Variants in SOX4 observed in about 807,000 individuals in gnomAD.
SOX4 encodes the protein transcription factor SOX-4.
For synonymous variants in SOX4, 465 were observed against 348.4 expected, an observed-to-expected ratio of 1.33 and a Z score of -3.73; for missense variants, 662 against 694.9, an observed-to-expected ratio of 0.95 and a Z score of 0.53.
rs763401964 is a variant in SOX4 at position 21,596,910 on chromosome 6, G to A, written c.*951G>A. 6.0e-6 allele frequency: 1 copy of A among 165,310 alleles called. No homozygotes were observed. Among genetic ancestry groups the A allele is most frequent in the Non-Finnish European group, 1.5e-5 (1 of 67,862 alleles). The allele number at this position is 165,310 out of a possible 1,614,324, so 10.2% of individuals were successfully genotyped here. On this transcript the variant is annotated 3_prime_UTR_variant, in exon 1 of 1. Coordinates refer to ENST00000244745, the MANE Select transcript of SOX4 (RefSeq NM_003107.3). ...CAGACCCCGGAGGCGTGGAGGAGAG[G>A]AGACTGTTTGATGTGGTACAGGGGC...
At position 21,596,570 on chromosome 6, in the gene SOX4, G is replaced by A; in HGVS notation, c.*611G>A. 6.0e-6 allele frequency: 1 copy of A among 167,220 alleles called. No individual in the cohort carries two copies. 10.4% of individuals were successfully genotyped at this position (167,220 alleles called of 1,614,324 possible). A position where few individuals can be genotyped will look rare whatever the true frequency, so the allele number is the denominator to read the frequency against. ...TGGCAGATGTTTTGGGGGAACGCCG[G>A]GACTGAGAGACTCCACGCAGGCGAA... On this transcript the variant is annotated 3_prime_UTR_variant, in exon 1 of 1. Transcript: ENST00000244745.
rs759202115 is a variant in SOX4, at chr6:21,594,977, C to G, written c.443C>G (p.Ser148Cys). ...NANSSSSAAA[S>C]SKPGEKGDKV... Reference sequence around the variant, plus strand: ...AACTCCAGCTCCTCGGCCGCCGCCTCCTCCAAGCCGGGGGAGAAGGGAGAC... The same window carrying G: ...AACTCCAGCTCCTCGGCCGCCGCCTGCTCCAAGCCGGGGGAGAAGGGAGAC... The change falls in exon 1 of 1, where the codon TCC (serine) becomes TGC (cysteine). Residue 148 changes from serine (S) to cysteine (C), a missense_variant. Coordinates refer to ENST00000244745, the MANE Select transcript of SOX4 (RefSeq NM_003107.3). 1 of 1,596,934 alleles carries G rather than the reference C, an allele frequency of 6.3e-7. No homozygotes were observed. The highest frequency in any genetic ancestry group is 8.5e-7 in the Non-Finnish European group (1 of 1,171,690).
In SOX4 at chr6:21,595,217, A is replaced by G; in HGVS notation, c.683A>G (p.Lys228Arg). ...LILAGGGGGG[K>R]AAAAAAASFA... ...CTGGCAGGCGGCGGCGGCGGCGGGA[A>G]AGCAGCGGCTGCCGCCGCCGCCTCC... Residue 228 changes from lysine to arginine, a missense_variant, in exon 1 of 1, where the codon AAA (lysine) becomes AGA (arginine). Coordinates refer to ENST00000244745, the MANE Select transcript of SOX4 (RefSeq NM_003107.3). The G allele has an allele frequency of 8.1e-7, 1 of 1,235,320 alleles. No homozygotes were observed. The highest frequency in any genetic ancestry group is 3.2e-5 in the East Asian group (1 of 30,812). The allele number at this position is 1,235,320 out of a possible 1,614,324, so 76.5% of individuals were successfully genotyped here.
rs776962279 is a variant in SOX4, at chr6:21,595,856, G to C, written c.1322G>C (p.Gly441Ala). 45 of 1,611,378 alleles carry C rather than the reference G, an allele frequency of 2.8e-5. No individual in the cohort carries two copies. The highest frequency in any genetic ancestry group is 3.7e-5 in the Non-Finnish European group (44 of 1,179,182). Residue 441 changes from glycine (G) to alanine (A), a missense_variant, in exon 1 of 1, where the codon GGC (glycine) becomes GCC (alanine). Coordinates refer to ENST00000244745, the MANE Select transcript of SOX4 (RefSeq NM_003107.3). ...GATTTTAACTTCGAGCCCGGCTCCGGCTCGCACTTCGAGTTCCCGGACTAC... is the reference window on the plus strand; with the variant it reads ...GATTTTAACTTCGAGCCCGGCTCCGCCTCGCACTTCGAGTTCCCGGACTAC... ...DLDFNFEPGS[G>A]SHFEFPDYCT...
At position 21,595,391 on chromosome 6, in the gene SOX4, A is replaced by G; in HGVS notation, c.857A>G (p.Lys286Arg). 6.5e-7 allele frequency: 1 copy of G among 1,538,170 alleles called. No homozygotes were observed. Among genetic ancestry groups the G allele is most frequent in the African/African-American group, 1.4e-5 (1 of 70,110 alleles). Residue 286 changes from lysine (K) to arginine (R), a missense_variant, in exon 1 of 1, where the codon AAG becomes AGG. By Grantham distance (26) the Lys-to-Arg change is conservative (BLOSUM62 2). Transcript: ENST00000244745. ...TCCGCAGCGCTCGCGGCCCCGGGCAAGCACCTGGCGGAGAAGAAGGTGAAG... is the reference window on the plus strand; with the variant it reads ...TCCGCAGCGCTCGCGGCCCCGGGCAGGCACCTGGCGGAGAAGAAGGTGAAG... Reference protein sequence around the residue: ...SASAALAAPGKHLAEKKVKRV... With the variant: ...SASAALAAPGRHLAEKKVKRV...
chr6:21,594,895 G>A lies in SOX4; in HGVS notation c.361G>A (p.Ala121Thr), dbSNP rs1426679912. Residue 121 changes from alanine (A) to threonine (T), a missense_variant, in exon 1 of 1, where the codon GCT becomes ACT. By Grantham distance (58) the Ala-to-Thr change is moderately conservative. Transcript: ENST00000244745. ...GGAGCGGCTGCGCCTCAAGCACATG[G>A]CTGACTACCCCGACTACAAGTACCG... The part of the protein sequence containing the change: ...EAERLRLKHM[A>T]DYPDYKYRPR... 1.2e-6 allele frequency: 2 copies of A among 1,613,174 alleles called. No individual in the cohort carries two copies. The highest frequency in any genetic ancestry group is 2.7e-5 in the African/African-American group (2 of 75,050).
In SOX4 at chr6:21,596,784, C is replaced by T. The variant is rs1234540588; in HGVS notation, c.*825C>T. ...GGAGGACACGAACTGGAAGGGGGTTCACGGTCAAACTGAAATGGATTTGCA... is the reference window on the plus strand; with the variant it reads ...GGAGGACACGAACTGGAAGGGGGTTTACGGTCAAACTGAAATGGATTTGCA... On this transcript the variant is annotated 3_prime_UTR_variant, in exon 1 of 1. Transcript: ENST00000244745. 1 of 166,802 alleles carries T rather than the reference C, an allele frequency of 6.0e-6. No homozygotes were observed. The highest frequency in any genetic ancestry group is 1.5e-5 in the Non-Finnish European group (1 of 68,122). The allele number at this position is 166,802 out of a possible 1,614,324, so 10.3% of individuals were successfully genotyped here. A position where few individuals can be genotyped will look rare whatever the true frequency, so the allele number is the denominator to read the frequency against.
chr6:21,598,594 A>G lies in SOX4; in HGVS notation c.*2635A>G, dbSNP rs763565285. Reference sequence around the variant, plus strand: ...AAATAACTTTTTTTGAGAAGGAAATAAAATCAGCTGGAACTGAACCCTAAA... The same window carrying G: ...AAATAACTTTTTTTGAGAAGGAAATGAAATCAGCTGGAACTGAACCCTAAA... On this transcript the variant is annotated 3_prime_UTR_variant, in exon 1 of 1. Transcript: ENST00000244745. The G allele has an allele frequency of 6.0e-6, 1 of 166,678 alleles. No individual in the cohort carries two copies. The highest frequency in any genetic ancestry group is 1.5e-5 in the Non-Finnish European group (1 of 68,106). The allele number at this position is 166,678 out of a possible 1,614,324, so 10.3% of individuals were successfully genotyped here.
chr6:21,595,500 G>A lies in SOX4; in HGVS notation c.966G>A (p.Leu322=), dbSNP rs1763122396. ...CGGGAGCCGACCCCAGCGACCCCCT[G>A]GGCCTGTACGAGGAGGAGGGCGCGG... The part of the protein sequence containing the change: ...VGAGADPSDP[L]GLYEEEGAGC... The change falls in exon 1 of 1, where the codon CTG becomes CTA. Residue 322 remains leucine (L), a synonymous_variant. Transcript: ENST00000244745. 3 of 1,340,908 alleles carry A rather than the reference G, an allele frequency of 2.2e-6. No individual in the cohort carries two copies. Among genetic ancestry groups the A allele is most frequent in the Non-Finnish European group, 1.9e-6 (2 of 1,046,160 alleles). 83.1% of individuals were successfully genotyped at this position (1,340,908 alleles called of 1,614,324 possible). A position where few individuals can be genotyped will look rare whatever the true frequency, so the allele number is the denominator to read the frequency against.
rs796555280 is a variant in SOX4, at chr6:21,596,269, C to CA, written c.*322dup. On this transcript the variant is annotated 3_prime_UTR_variant, in exon 1 of 1. Coordinates refer to ENST00000244745, the MANE Select transcript of SOX4 (RefSeq NM_003107.3). ...TTGTTATTGATGTTGTTGTTGATGG[C>CA]AAAAAAAAAAAAGCGACTTCGAGTT... 1,459 of 149,198 alleles carry CA rather than the reference C, an allele frequency of 9.8e-3. 9 individuals carry two copies. The highest frequency in any genetic ancestry group is 0.016 in the African/African-American group (572 of 36,472). 9.2% of individuals were successfully genotyped at this position (149,198 alleles called of 1,614,324 possible).
Position 21,594,467 on chromosome 6 carries a change from G to A in SOX4, c.-68G>A. 1 of 1,350,728 alleles carries A rather than the reference G, an allele frequency of 7.4e-7. No homozygotes were observed. The highest frequency in any genetic ancestry group is 9.4e-7 in the Non-Finnish European group (1 of 1,059,646). The allele number at this position is 1,350,728 out of a possible 1,614,324, so 83.7% of individuals were successfully genotyped here. On this transcript the variant is annotated 5_prime_UTR_variant, in exon 1 of 1. Coordinates refer to ENST00000244745, the MANE Select transcript of SOX4 (RefSeq NM_003107.3). ...TGTGCTTGGCCCGGGGAACCGGGAGGGCCCGGCGATCGCGCGGCGGCCGCC... is the reference window on the plus strand; with the variant it reads ...TGTGCTTGGCCCGGGGAACCGGGAGAGCCCGGCGATCGCGCGGCGGCCGCC...
rs965805866 is a variant in SOX4, at chr6:21,594,084, G to A, written c.-451G>A. ...GACTATGTCGCTTTCCTGAGCTACC[G>A]AGAGCGCTCGTGAACTGGAATCAAC... On this transcript the variant is annotated 5_prime_UTR_variant, in exon 1 of 1. Transcript: ENST00000244745. 1 of 152,454 alleles carries A rather than the reference G, an allele frequency of 6.6e-6. No homozygotes were observed. Among genetic ancestry groups the A allele is most frequent in the East Asian group, 1.9e-4 (1 of 5,202 alleles). The allele number at this position is 152,454 out of a possible 1,614,324, so 9.4% of individuals were successfully genotyped here. A position where few individuals can be genotyped will look rare whatever the true frequency, so the allele number is the denominator to read the frequency against.
Position 21,594,987 on chromosome 6 carries a change from G to A in SOX4, c.453G>A (p.Pro151=). Residue 151 remains proline, a synonymous_variant, in exon 1 of 1, where the codon CCG becomes CCA. Transcript: ENST00000244745. The stretch of plus-strand genomic sequence containing the variant: ...CCTCGGCCGCCGCCTCCTCCAAGCC[G>A]GGGGAGAAGGGAGACAAGGTCGGTG... ...SSSSAAASSK[P]GEKGDKVGGS... The A allele has an allele frequency of 1.3e-6, 2 of 1,579,182 alleles. No homozygotes were observed. Among genetic ancestry groups the A allele is most frequent in the Non-Finnish European group, 1.7e-6 (2 of 1,163,062 alleles).
Position 21,595,296 on chromosome 6 carries a change from C to G in SOX4, c.762C>G (p.Ala254=), listed in dbSNP as rs780385080. 6.3e-6 allele frequency: 9 copies of G among 1,429,458 alleles called. No homozygotes were observed. In the South Asian group the frequency reaches 1.1e-4, roughly 17 times the overall value. The allele number at this position is 1,429,458 out of a possible 1,614,324, so 88.5% of individuals were successfully genotyped here. The change falls in exon 1 of 1, where the codon GCC becomes GCG. Residue 254 remains alanine (A), a synonymous_variant. Transcript: ENST00000244745. ...AAALLPLGAA[A]DHHSLYKART... is the part of the protein sequence containing the mutation. ...CCCTGCTGCCCCTGGGCGCCGCCGC[C>G]GACCACCACTCGCTGTACAAGGCGC... is the stretch of plus-strand genomic sequence containing the variant.
chr6:21,594,622 A>C lies in SOX4; in HGVS notation c.88A>C (p.Ile30Leu). The C allele has an allele frequency of 6.2e-7, 1 of 1,607,854 alleles. No homozygotes were observed. Among genetic ancestry groups the C allele is most frequent in the Non-Finnish European group, 8.5e-7 (1 of 1,178,062 alleles). Reference protein sequence around the residue: ...SDSGAGLELGIASSPTPGSTA... With the variant: ...SDSGAGLELGLASSPTPGSTA... The stretch of plus-strand genomic sequence containing the variant: ...CTCGGGCGCCGGCCTCGAGCTGGGA[A>C]TCGCCTCCTCCCCCACGCCCGGCTC... The change falls in exon 1 of 1, where the codon ATC (isoleucine) becomes CTC (leucine). Residue 30 changes from isoleucine to leucine, a missense_variant. By Grantham distance (5) the Ile-to-Leu change is conservative (BLOSUM62 2). Coordinates refer to ENST00000244745, the MANE Select transcript of SOX4 (RefSeq NM_003107.3).
Position 21,594,882 on chromosome 6 carries a change from C to T in SOX4, c.348C>T (p.Arg116=). Reference sequence around the variant, plus strand: ...TCATTCGAGAGGCGGAGCGGCTGCGCCTCAAGCACATGGCTGACTACCCCG... The same window carrying T: ...TCATTCGAGAGGCGGAGCGGCTGCGTCTCAAGCACATGGCTGACTACCCCG... ...IPFIREAERL[R]LKHMADYPDY... Residue 116 remains arginine, a synonymous_variant, in exon 1 of 1, where the codon CGC becomes CGT. Coordinates refer to ENST00000244745, the MANE Select transcript of SOX4 (RefSeq NM_003107.3). The T allele has an allele frequency of 6.2e-7, 1 of 1,612,920 alleles. No individual in the cohort carries two copies. Among genetic ancestry groups the T allele is most frequent in the Non-Finnish European group, 8.5e-7 (1 of 1,179,706 alleles).
At position 21,595,588 on chromosome 6, in the gene SOX4, G is replaced by C. The variant is rs1403909478; in HGVS notation, c.1054G>C (p.Gly352Arg). ...CAGCGCCGCCTCGTCCCCCGCCGCCGGCCGCTCGCCCGCCGACCACCGCGG... is the reference window on the plus strand; with the variant it reads ...CAGCGCCGCCTCGTCCCCCGCCGCCCGCCGCTCGCCCGCCGACCACCGCGG... ...RSSAASSPAA[G>R]RSPADHRGYA... Residue 352 changes from glycine (G) to arginine (R), a missense_variant, in exon 1 of 1, where the codon GGC becomes CGC. Coordinates refer to ENST00000244745, the MANE Select transcript of SOX4 (RefSeq NM_003107.3). 8.3e-7 allele frequency: 1 copy of C among 1,204,592 alleles called. No individual in the cohort carries two copies. Among genetic ancestry groups the C allele is most frequent in the African/African-American group, 1.6e-5 (1 of 62,624 alleles). The allele number at this position is 1,204,592 out of a possible 1,614,324, so 74.6% of individuals were successfully genotyped here.
In SOX4 at chr6:21,594,789, C is replaced by T. The variant is rs909260994; in HGVS notation, c.255C>T (p.His85=). ...RKIMEQSPDM[H]NAEISKRLGK... Reference sequence around the variant, plus strand: ...TCATGGAGCAGTCGCCCGACATGCACAACGCCGAGATCTCCAAGCGGCTGG... The same window carrying T: ...TCATGGAGCAGTCGCCCGACATGCATAACGCCGAGATCTCCAAGCGGCTGG... The change falls in exon 1 of 1, where the codon CAC becomes CAT. Residue 85 remains histidine (H), a synonymous_variant. Coordinates refer to ENST00000244745, the MANE Select transcript of SOX4 (RefSeq NM_003107.3). The T allele has an allele frequency of 1.2e-6, 2 of 1,605,770 alleles. No individual in the cohort carries two copies. Among genetic ancestry groups the T allele is most frequent in the Non-Finnish European group, 8.5e-7 (1 of 1,176,298 alleles).
At position 21,595,016 on chromosome 6, in the gene SOX4, G is replaced by A; in HGVS notation, c.482G>A (p.Ser161Asn). 1 of 1,507,502 alleles carries A rather than the reference G, an allele frequency of 6.6e-7. No individual in the cohort carries two copies. The highest frequency in any genetic ancestry group is 8.8e-7 in the Non-Finnish European group (1 of 1,130,334). The allele number at this position is 1,507,502 out of a possible 1,614,324, so 93.4% of individuals were successfully genotyped here. A position where few individuals can be genotyped will look rare whatever the true frequency, so the allele number is the denominator to read the frequency against. ...GAGAAGGGAGACAAGGTCGGTGGCA[G>A]TGGCGGGGGCGGCCATGGGGGCGGC... is the stretch of plus-strand genomic sequence containing the variant. Reference protein sequence around the residue: ...PGEKGDKVGGSGGGGHGGGGG... With the variant: ...PGEKGDKVGGNGGGGHGGGGG... The change falls in exon 1 of 1, where the codon AGT becomes AAT. Residue 161 changes from serine (S) to asparagine (N), a missense_variant. Physicochemically the swap from Ser to Asn is conservative, Grantham distance 46 (BLOSUM62 1). Coordinates refer to ENST00000244745, the MANE Select transcript of SOX4 (RefSeq NM_003107.3).
Sources: gnomAD v4.1 joint callset for allele counts on GRCh38, gnomAD v4.1.1 for gene constraint, MANE v1.5 for transcripts, NCBI Gene and HGNC (gene_info 2026-07-23, HGNC 2026-07-21) for gene names.